SEC22A: variants seen among roughly 807,000 people sequenced by gnomAD.
The protein encoded by SEC22A is SEC22 homolog A, vesicle trafficking protein.
Under a neutral mutation model 35.3 loss-of-function variants are expected in SEC22A, and 22 were observed. The observed-to-expected ratio is 0.62, with a 90% CI of 0.45 to 0.89. SEC22A has a LOEUF of 0.89. Among genes scored for constraint, SEC22A ranks in the 40% least tolerant of loss-of-function variants. SEC22A has a pLI of 0.00. For missense variants in SEC22A, 354 were observed against 362.5 expected, an observed-to-expected ratio of 0.98 and a Z score of 0.19; for synonymous variants, 119 against 129.5, an observed-to-expected ratio of 0.92 and a Z score of 0.55.
Position 123,258,947 on chromosome 3 carries a change from CTG to C in SEC22A, c.658-575_658-574del, listed in dbSNP as rs201556103. Among the ~76,000 whole-genome samples the C allele has an allele frequency of 6.1e-3, 935 of 152,258 alleles. 10 individuals are homozygous for C. The highest frequency in any genetic ancestry group is 7.6e-3 in the Non-Finnish European group (515 of 68,010). On this transcript the variant is annotated intron_variant, in intron 5 of 6. Transcript: ENST00000492595. ...GAGACATTCTATGCATGAGGTATCTCTGTTTTTCCTCTGGGTGGCTGTTTTTC... is the reference window on the plus strand; with the variant it reads ...GAGACATTCTATGCATGAGGTATCTCTTTTTCCTCTGGGTGGCTGTTTTTC...
At position 123,240,062 on chromosome 3, in the gene SEC22A, A is replaced by T. The variant is rs554405970; in HGVS notation, c.542-5837A>T. The stretch of plus-strand genomic sequence containing the variant: ...GGCCCTGGCTGTGAGAGCCTTGTAG[A>T]GGAGTTGGTTGGTAGTGTGAGTCTG... On this transcript the variant is annotated intron_variant, in intron 4 of 6. Transcript: ENST00000492595. 2.0e-5 allele frequency among the ~76,000 whole-genome samples: 3 copies of T among 152,164 alleles called. No individual in the cohort carries two copies. In the East Asian group the frequency reaches 5.8e-4, roughly 29 times the overall value.
chr3:123,258,524 A>G (rs539628316), intron 5 of SEC22A, among the ~76,000 whole-genome samples: 95 of 152,328 alleles, frequency 6.2e-4, no homozygotes, highest in African/African-American at 2.1e-3. Context: ...CTGGGGTGCA[A>G]CTGGCCTGAG....
intron 5 of SEC22A, among the ~76,000 whole-genome samples, chr3:123,258,125 G>C (rs1424858813): frequency 6.6e-6 from 1 of 152,074 alleles, no homozygotes; most frequent in Non-Finnish European, 1.5e-5. Context: ...ACAATTAAAG[G>C]TTATATAATC....
chr3:123,213,417 G>C (rs1936972883), intron 2 of SEC22A, among the ~76,000 whole-genome samples: 1 of 152,154 alleles, frequency 6.6e-6, no homozygotes, highest in South Asian at 2.1e-4. Context: ...AGCACAGCCT[G>C]AAATTGCCAC....
chr3:123,257,324 T>C (rs1054141742), intron 5 of SEC22A, among the ~76,000 whole-genome samples: 3 of 152,186 alleles, frequency 2.0e-5, no homozygotes, highest in Non-Finnish European at 4.4e-5. Context: ...AAAGAGGAAA[T>C]TAAATAAGTG....
chr3:123,259,968 C>T (rs945396767), intron 6 of SEC22A, among the ~76,000 whole-genome samples: 4 of 151,638 alleles, frequency 2.6e-5, no homozygotes, highest in Non-Finnish European at 5.9e-5. Flanking sequence ...CTTGTCTGTA[C>T]TAAAAATACA....
At position 123,262,241 on chromosome 3, in the gene SEC22A, C is replaced by T. The variant is rs114617156; in HGVS notation, c.723+2652C>T. 5.3e-3 allele frequency among the ~76,000 whole-genome samples: 809 copies of T among 152,214 alleles called. 9 individuals carry two copies. Among genetic ancestry groups the T allele is most frequent in the African/African-American group, 0.019 (770 of 41,522 alleles). ...GTGCTTATGGAAGCCCAGAGCTCAG[C>T]CTGATAGGATTAATCTTGATATGGA... is the stretch of plus-strand genomic sequence containing the variant. On this transcript the variant is annotated intron_variant, in intron 6 of 6. Transcript: ENST00000492595.
At chr3:123,221,708 T>C (rs770118323) in intron 2 of SEC22A, among the ~76,000 whole-genome samples, 3 of 152,094 alleles carry the variant, frequency 2.0e-5, no homozygotes, top group Non-Finnish European at 2.9e-5. Context: ...TCCAATAGAA[T>C]ATGGTTAATT....
Position 123,271,774 on chromosome 3 carries a change from TATC to T in SEC22A, c.*55_*57del. The T allele has an allele frequency of 7.1e-7, 1 of 1,415,190 alleles. No individual in the cohort carries two copies. Among genetic ancestry groups the T allele is most frequent in the Non-Finnish European group, 1.0e-6 (1 of 1,004,568 alleles). 87.7% of individuals were successfully genotyped at this position (1,415,190 alleles called of 1,614,324 possible). On this transcript the variant is annotated 3_prime_UTR_variant, in exon 7 of 7. Coordinates refer to ENST00000492595, the MANE Select transcript of SEC22A (RefSeq NM_012430.5). ...GCTTCAGGGGGATAAGGAGGGAACA[TATC>T]ATAACTGCACTGTGATGAAGAAGCT...
chr3:123,222,677 T>G (rs902093879), intron 2 of SEC22A, among the ~76,000 whole-genome samples: 1 of 152,224 alleles, frequency 6.6e-6, no homozygotes, highest in East Asian at 1.9e-4. Flanking sequence ...TGTGTCTTTC[T>G]CAGGATATAA....
chr3:123,237,044 A>C (rs9876066), intron 4 of SEC22A, among the ~76,000 whole-genome samples: 29,913 of 152,172 alleles, frequency 0.2, 3,043 homozygotes, highest in Middle Eastern at 0.28. Flanking sequence ...TAGGTTTTGC[A>C]GGTCATATGG....
rs1423080459 is a variant in SEC22A, at chr3:123,273,607, G to A, written c.*1885G>A. On this transcript the variant is annotated 3_prime_UTR_variant, in exon 7 of 7. Transcript: ENST00000492595. ...AGATCACTTGAGACCAGTAGTTTGA[G>A]AATCAGCCTGGCCAACGTGGTGAAA... 1 of 152,118 alleles carries A rather than the reference G, an allele frequency of 6.6e-6. No homozygotes were observed. The highest frequency in any genetic ancestry group is 1.9e-4 in the East Asian group (1 of 5,188). 9.4% of individuals were successfully genotyped at this position (152,118 alleles called of 1,614,324 possible).
chr3:123,206,647 C>T (rs772245585), intron 1 of SEC22A, among the ~76,000 whole-genome samples: 2 of 151,770 alleles, frequency 1.3e-5, no homozygotes, highest in African/African-American at 4.8e-5. Flanking sequence ...TCAGGGATCC[C>T]AACTTTTTCA....
intron 4 of SEC22A, among the ~76,000 whole-genome samples, chr3:123,242,803 AAGTT>A (rs1937536130): frequency 6.6e-6 from 1 of 152,192 alleles, no homozygotes; most frequent in African/African-American, 2.4e-5. Context: ...AGTCACAGAG[AAGTT>A]AGTCATTTCT....
rs143724826 is a variant in SEC22A at position 123,203,238 on chromosome 3, C to T, written c.-20+1252C>T. 5.9e-5 allele frequency among the ~76,000 whole-genome samples: 9 copies of T among 151,482 alleles called. No individual in the cohort carries two copies. The East Asian group carries it at 1.7e-3, about 29-fold the overall frequency. ...TTAAATCCCTACTTTGTCACCTACT[C>T]GTTTAGGGATTAAAAAAAATTCCTC... On this transcript the variant is annotated intron_variant, in intron 1 of 6. Coordinates refer to ENST00000492595, the MANE Select transcript of SEC22A (RefSeq NM_012430.5).
chr3:123,239,426 C>T (rs2108069065), intron 4 of SEC22A, among the ~76,000 whole-genome samples: 1 of 152,142 alleles, frequency 6.6e-6, no homozygotes, highest in East Asian at 1.9e-4. Context: ...AGGTATATCT[C>T]CTAATGCTAT....
intron 4 of SEC22A, among the ~76,000 whole-genome samples, chr3:123,239,520 C>T (rs1218597437): frequency 6.6e-6 from 1 of 151,748 alleles, no homozygotes; most frequent in Non-Finnish European, 1.5e-5. Context: ...TGTTCTCATT[C>T]TAACTGGTGT....
rs1936873063 is a variant in SEC22A at position 123,207,627 on chromosome 3, G to A, written c.-19-1572G>A. On this transcript the variant is annotated intron_variant, in intron 1 of 6. Transcript: ENST00000492595. ...CCTTAGACAATAAGCAAATTGTCAA[G>A]CCCTATCCCACAGTCAGTGGTTCAG... Among the ~76,000 whole-genome samples the A allele has an allele frequency of 3.3e-5, 5 of 152,276 alleles. No individual in the cohort carries two copies. In the South Asian group the frequency reaches 1.0e-3, roughly 32 times the overall value.
intron 4 of SEC22A, among the ~76,000 whole-genome samples, chr3:123,233,010 G>C (rs1937348205): frequency 6.6e-6 from 1 of 152,020 alleles, no homozygotes; most frequent in East Asian, 1.9e-4. Flanking sequence ...TGCATGTGTA[G>C]TCCCGGCAAC....
Sources: allele counts gnomAD v4.1 joint callset (sites outside exome capture counted in the v4.1 genomes callset), GRCh38; gene constraint gnomAD v4.1.1; transcripts MANE v1.5; gene names NCBI Gene and HGNC (gene_info 2026-07-23, HGNC 2026-07-21).